Variants in C6 observed in about 807,000 individuals in gnomAD.
The protein encoded by C6 is complement C6, also known as complement component C6.
A neutral mutation model predicts 112.9 loss-of-function variants in C6; 101 were observed. The observed-to-expected ratio is 0.89, with a 90% confidence interval of 0.76 to 1.06. The LOEUF (loss-of-function observed/expected upper bound fraction) is 1.06, where lower values mean the gene tolerates loss of function less well. Among genes scored for constraint, C6 ranks in the 50% least tolerant of loss-of-function variants. The pLI is 0.00. For synonymous variants in C6, 431 were observed against 384.1 expected (o/e 1.12, Z -1.43); for missense variants, 1,202 against 1,104.6 (o/e 1.09, Z -1.25).
chr5:41,147,790 A>G (rs1745977043), intron 17 of C6, among the ~76,000 whole-genome samples: 1 of 152,306 alleles, frequency 6.6e-6, no homozygotes, highest in African/African-American at 2.4e-5. Flanking sequence ...TAGTTGGGCT[A>G]TTTCAGGGTC....
At chr5:41,150,879 C>G (rs1334927262) in intron 15 of C6, among the ~76,000 whole-genome samples, 1 of 130,648 alleles carries the variant, frequency 7.7e-6, no homozygotes, top group African/African-American at 3.1e-5. Flanking sequence ...GAGTAAGACT[C>G]TGTCTAAAAA....
At chr5:41,207,568 T>C (rs1042725043) in intron 1 of C6, among the ~76,000 whole-genome samples, 1 of 151,964 alleles carries the variant, frequency 6.6e-6, no homozygotes, top group African/African-American at 2.4e-5. Context: ...AAAAGGCAGG[T>C]GTTGCGATCC....
intron 9 of C6, among the ~76,000 whole-genome samples, chr5:41,163,687 A>T (rs1747742594): frequency 6.6e-6 from 1 of 152,304 alleles, no homozygotes; most frequent in African/African-American, 2.4e-5. Flanking sequence ...TATGCTATTT[A>T]AAAAACAATT....
intron 4 of C6, among the ~76,000 whole-genome samples, chr5:41,198,523 C>T (rs1193255778): frequency 2.0e-5 from 3 of 152,088 alleles, no homozygotes; most frequent in Non-Finnish European, 4.4e-5. Context: ...TCAGGGAGTA[C>T]GGAGTAGCAG....
intron 15 of C6, among the ~76,000 whole-genome samples, chr5:41,152,541 T>A (rs1746505888): frequency 6.6e-6 from 1 of 152,164 alleles, no homozygotes; most frequent in Non-Finnish European, 1.5e-5. Flanking sequence ...AAGTAGAAGG[T>A]TTGATAAGGA....
At chr5:41,235,405 C>T (rs1283482734) in intron 1 of C6, among the ~76,000 whole-genome samples, 3 of 146,376 alleles carry the variant, frequency 2.0e-5, no homozygotes, top group East Asian at 4.2e-4. Context: ...AGGACATGAA[C>T]TCATCAATTT....
At chr5:41,215,619 C>T (rs892626205), upstream of C6, among the ~76,000 whole-genome samples, 17 of 152,038 alleles carry the variant, frequency 1.1e-4, no homozygotes, top group African/African-American at 4.1e-4. Flanking sequence ...CTCCTATTTT[C>T]ATAAGGTAGA....
chr5:41,183,120 G>A (rs564255192), intron 6 of C6, among the ~76,000 whole-genome samples: 1 of 152,294 alleles, frequency 6.6e-6, no homozygotes, highest in African/African-American at 2.4e-5. Flanking sequence ...TACCATGGCT[G>A]ATTTCAAGCT....
chr5:41,192,565 G>A (rs1750299824), intron 5 of C6, among the ~76,000 whole-genome samples: 2 of 151,730 alleles, frequency 1.3e-5, no homozygotes, highest in South Asian at 4.1e-4. Flanking sequence ...ACTCACAATT[G>A]GTCTGTTTTC....
intron 1 of C6, among the ~76,000 whole-genome samples, chr5:41,234,352 T>TTTTG (rs1561195489): frequency 2.1e-5 from 3 of 139,766 alleles, no homozygotes; most frequent in African/African-American, 9.4e-5. Flanking sequence ...TTTTTTTTGT[T>TTTTG]TTTTGTTTTT....
intron 1 of C6, among the ~76,000 whole-genome samples, chr5:41,233,169 G>T (rs1740015414): frequency 6.6e-6 from 1 of 151,884 alleles, no homozygotes; most frequent in Admixed American, 6.6e-5. Context: ...ATTTGATCTT[G>T]GAAATTTTAA....
intron 2 of C6, 89 bp from the exon 3 acceptor site, chr5:41,201,803 A>C: frequency 1.6e-6 from 2 of 1,218,136 alleles, no homozygotes; most frequent in South Asian, 2.4e-5. Context: ...CATTAACTAC[A>C]ATAAATAGAA....
chr5:41,253,300 C>A (rs1201917115), intron 1 of C6, among the ~76,000 whole-genome samples: 1 of 152,162 alleles, frequency 6.6e-6, no homozygotes, highest in Non-Finnish European at 1.5e-5. Flanking sequence ...TGCTGGGCCT[C>A]AGGTGGTTTC....
chr5:41,146,892 TGG>T (rs1745876426), intron 17 of C6, among the ~76,000 whole-genome samples: 1 of 151,564 alleles, frequency 6.6e-6, no homozygotes, highest in East Asian at 1.9e-4. Flanking sequence ...AAAAAATTTG[TGG>T]GAAGATAGCA....
chr5:41,176,431 T>G, intron 8 of C6, 44 bp downstream of exon 8: 1 of 1,591,164 alleles, frequency 6.3e-7, no homozygotes, highest in African/African-American at 1.3e-5. Context: ...ATGTATTGCA[T>G]GCTATCATAC....
intron 9 of C6, among the ~76,000 whole-genome samples, chr5:41,168,549 G>T (rs1326045786): frequency 1.3e-5 from 2 of 152,140 alleles, no homozygotes; most frequent in East Asian, 3.8e-4. Flanking sequence ...TTTTAGATGA[G>T]AAATTATTAG....
intron 5 of C6, among the ~76,000 whole-genome samples, chr5:41,189,211 A>T (rs1295856612): frequency 6.6e-6 from 1 of 152,088 alleles, no homozygotes; most frequent in Non-Finnish European, 1.5e-5. Flanking sequence ...TTTGGAAAAT[A>T]GTTGGGAGTT....
rs192280591 is a variant in C6, at chr5:41,227,697, A to G, written c.-20-24447T>C. On this transcript the variant is annotated intron_variant, in intron 1 of 17. Coordinates refer to the C6 transcript ENST00000263413. ...TTTATTTCTTTTTATGTGGATATCC[A>G]TCTTTTCCAACACTACTTATTTAAG... Among the ~76,000 whole-genome samples the G allele has an allele frequency of 8.2e-4, 124 of 152,028 alleles. 1 individual carries two copies. The highest frequency in any genetic ancestry group is 1.8e-3 in the Admixed American group (28 of 15,260).
intron 1 of C6, among the ~76,000 whole-genome samples, chr5:41,211,047 C>G (rs376737208): frequency 6.6e-6 from 1 of 152,168 alleles, no homozygotes; most frequent in African/African-American, 2.4e-5. Flanking sequence ...CCATGGAATA[C>G]TATGTAGCCA....
Sources: gnomAD v4.1 joint callset for allele counts (sites outside exome capture counted in the v4.1 genomes callset) on GRCh38, gnomAD v4.1.1 for gene constraint, MANE v1.5 for transcripts, NCBI Gene and HGNC (gene_info 2026-07-23, HGNC 2026-07-21) for gene names.